SPAST: variants seen among roughly 807,000 people sequenced by gnomAD.
The protein encoded by SPAST is spastin, also known as spastic paraplegia 4 (autosomal dominant; spastin).
SPAST carries 30 observed loss-of-function variants against 76.6 expected under a neutral mutation model. The observed-to-expected ratio is 0.39, with a 90% confidence interval of 0.29 to 0.53. The LOEUF (loss-of-function observed/expected upper bound fraction) is 0.53, where lower values mean the gene tolerates loss of function less well. SPAST is among the 20% of genes least tolerant of loss of function. SPAST has a pLI of 0.68. For missense variants in SPAST, 717 were observed against 770.5 expected (o/e 0.93, Z 0.82); for synonymous variants, 305 against 281.0 (o/e 1.09, Z -0.86).
intron 9 of SPAST, among the ~76,000 whole-genome samples, chr2:32,131,369 T>G (rs1679364864): frequency 6.6e-6 from 1 of 152,238 alleles, no homozygotes; most frequent in African/African-American, 2.4e-5. Context: ...TTGATAGGAT[T>G]ATTTTAATTG....
At chr2:32,153,504 CG>C (rs1180649497) in intron 16 of SPAST, among the ~76,000 whole-genome samples, 1 of 151,192 alleles carries the variant, frequency 6.6e-6, no homozygotes, top group Admixed American at 6.6e-5. Flanking sequence ...TTAGTGGAGA[CG>C]GGGTTTCACC....
Position 32,063,936 on chromosome 2 carries a change from C to T in SPAST, c.105C>T (p.Ala35=). 1 of 1,604,092 alleles carries T rather than the reference C, an allele frequency of 6.2e-7. No individual in the cohort carries two copies. ...CTTGCCTGGCCCCCGCCCCTCCCGC[C>T]GCCGGGCCGGCCCCTCCGCCCGAGT... ...PPPCLAPAPP[A]AGPAPPPESP... The change falls in exon 1 of 17, where the codon GCC becomes GCT. Residue 35 remains alanine (A), a synonymous_variant. Coordinates refer to ENST00000315285, the MANE Select transcript of SPAST (RefSeq NM_014946.4).
At chr2:32,075,413 G>C (rs1349694058) in intron 1 of SPAST, among the ~76,000 whole-genome samples, 2 of 114,796 alleles carry the variant, frequency 1.7e-5, no homozygotes, top group African/African-American at 3.5e-5. Context: ...GCCACAGAGC[G>C]AGACTCTGTC....
intron 16 of SPAST, among the ~76,000 whole-genome samples, chr2:32,150,774 AT>A (rs1196277507): frequency 6.6e-6 from 1 of 152,074 alleles, no homozygotes; most frequent in Non-Finnish European, 1.5e-5. Context: ...TTTATCCACC[AT>A]TTTTTAAAAG....
intron 1 of SPAST, among the ~76,000 whole-genome samples, chr2:32,080,600 T>TG (rs1677181925): frequency 6.6e-6 from 1 of 151,670 alleles, no homozygotes; most frequent in Admixed American, 6.6e-5. Flanking sequence ...TGTTGGGAGC[T>TG]AATGTTAAAG....
intron 4 of SPAST, among the ~76,000 whole-genome samples, chr2:32,101,402 T>C (rs1178499933): frequency 6.6e-6 from 1 of 152,204 alleles, no homozygotes; most frequent in Admixed American, 6.5e-5. Context: ...TTTTCTCCCA[T>C]TCTATAGGTT....
intron 16 of SPAST, among the ~76,000 whole-genome samples, chr2:32,151,656 T>C (rs1292915111): frequency 1.3e-5 from 2 of 152,202 alleles, no homozygotes; most frequent in African/African-American, 4.8e-5. Context: ...ACGCCTGTAA[T>C]CCTACCACTT....
At chr2:32,110,558 GTGTGTATATATAGTA>G (rs1558319749) in intron 4 of SPAST, among the ~76,000 whole-genome samples, 3 of 64,460 alleles carry the variant, frequency 4.7e-5, no homozygotes, top group African/African-American at 1.1e-4. Context: ...ATACTATATA[GTGTGTATATATAGTA>G]TATATATAGT....
At chr2:32,121,056 A>G (rs1167414672) in intron 7 of SPAST, among the ~76,000 whole-genome samples, 4 of 151,994 alleles carry the variant, frequency 2.6e-5, no homozygotes, top group Admixed American at 1.3e-4. Flanking sequence ...AGCTTTTTGG[A>G]TCTTCTCTTT....
chr2:32,089,921 G>A (rs1017374223), intron 3 of SPAST, among the ~76,000 whole-genome samples: 1 of 151,992 alleles, frequency 6.6e-6, no homozygotes, highest in South Asian at 2.1e-4. Flanking sequence ...CCGCCACCAC[G>A]CCCCGCTAAT....
chr2:32,117,820 C>T (rs1558325766), intron 7 of SPAST, among the ~76,000 whole-genome samples: 1 of 152,152 alleles, frequency 6.6e-6, no homozygotes, highest in Non-Finnish European at 1.5e-5. Context: ...GCAGAGGCCA[C>T]TGTGCCTGGC....
Position 32,063,659 on chromosome 2 carries a change from A to C in SPAST, c.-173A>C. On this transcript the variant is annotated 5_prime_UTR_variant, in exon 1 of 17. Transcript: ENST00000315285. ...GGAGAAGGGGTTGTGCTCCTGGCCG[A>C]GGAAGGAGAAAGGGGCGGGGCCGGC... The C allele has an allele frequency of 1.3e-6, 1 of 798,294 alleles. No individual in the cohort carries two copies. Among genetic ancestry groups the C allele is most frequent in the Non-Finnish European group, 1.9e-6 (1 of 522,812 alleles). 49.5% of individuals were successfully genotyped at this position (798,294 alleles called of 1,614,324 possible).
At chr2:32,116,568 G>C (rs1403363444) in intron 7 of SPAST, among the ~76,000 whole-genome samples, 3 of 152,164 alleles carry the variant, frequency 2.0e-5, no homozygotes, top group Non-Finnish European at 4.4e-5. Flanking sequence ...CAGAATTCAA[G>C]TGATTCTCCT....
chr2:32,118,370 T>A (rs532649173), intron 7 of SPAST, among the ~76,000 whole-genome samples: 3 of 152,326 alleles, frequency 2.0e-5, no homozygotes, highest in Non-Finnish European at 4.4e-5. Flanking sequence ...ACTGGTCTGA[T>A]ATGCAAGTTA....
chr2:32,134,354 T>G (rs920869557), intron 9 of SPAST, among the ~76,000 whole-genome samples: 2 of 151,960 alleles, frequency 1.3e-5, no homozygotes, highest in African/African-American at 4.8e-5. Context: ...TACAAAAAAT[T>G]AGCGGGGTGT....
At chr2:32,129,511 A>G (rs927451533) in intron 9 of SPAST, 1 of 152,218 alleles carries the variant, frequency 6.6e-6, no homozygotes, top group African/African-American at 2.4e-5. Context: ...TAGGGCAAGC[A>G]TAACTACAGT....
chr2:32,111,286 A>C (rs184058909), intron 4 of SPAST, among the ~76,000 whole-genome samples: 1 of 103,656 alleles, frequency 9.6e-6, no homozygotes, highest in African/African-American at 3.4e-5. Context: ...TATACTATAT[A>C]GTGTGTATAG....
At position 32,101,288 on chromosome 2, in the gene SPAST, G is replaced by T. The variant is rs545213330; in HGVS notation, c.682+2397G>T. 3.1e-3 allele frequency among the ~76,000 whole-genome samples: 472 copies of T among 152,190 alleles called. 3 individuals carry two copies. Among genetic ancestry groups the T allele is most frequent in the Middle Eastern group, 6.8e-3 (2 of 294 alleles). On this transcript the variant is annotated intron_variant, in intron 4 of 16. Transcript: ENST00000315285. ...TGAGAAGCATCTGTTCATATACTTT[G>T]CCCACTTTTTGATGGGGTTGTTTGA... is the stretch of plus-strand genomic sequence containing the variant.
At chr2:32,126,440 T>G (rs1463595774) in intron 7 of SPAST, 1 of 151,374 alleles carries the variant, frequency 6.6e-6, no homozygotes, top group African/African-American at 2.4e-5. Context: ...TCTGCTTTCA[T>G]TTTTACCACC....
Sources: allele counts gnomAD v4.1 joint callset (sites outside exome capture counted in the v4.1 genomes callset), GRCh38; gene constraint gnomAD v4.1.1; transcripts MANE v1.5; gene names NCBI Gene and HGNC (gene_info 2026-07-23, HGNC 2026-07-21).